Variants in DPP6 observed in about 807,000 individuals in gnomAD.
The protein encoded by DPP6 is A-type potassium channel modulatory protein DPP6.
DPP6 carries 69 observed loss-of-function variants against 122.6 expected under a neutral mutation model. The observed-to-expected ratio is 0.56, with a 90% CI of 0.46 to 0.69. The LOEUF is 0.69. Ranked by LOEUF, DPP6 falls within the 30% of genes least tolerant of loss-of-function variation. The pLI is 0.00. For synonymous variants in DPP6, 418 were observed against 433.1 expected (o/e 0.97, Z 0.43); for missense variants, 928 against 1,116.9 (o/e 0.83, Z 2.41).
intron 1 of DPP6, among the ~76,000 whole-genome samples, chr7:153,935,080 G>C (rs2129014657): frequency 6.6e-6 from 1 of 152,320 alleles, no homozygotes; most frequent in African/African-American, 2.4e-5. Flanking sequence ...CTGACATAAC[G>C]CTGTGCCCAT....
chr7:154,082,846 C>CTTTCTTTTTTTTTTTT (rs1260484862), intron 1 of DPP6, among the ~76,000 whole-genome samples: 6 of 106,272 alleles, frequency 5.6e-5, no homozygotes, highest in African/African-American at 8.0e-5. Flanking sequence ...TTTTCTTTTT[C>CTTTCTTTTTTTTTTTT]TTTTTTTTTT....
At chr7:154,729,191 G>GAACAACCCAAGCTCTTCTCAC (rs1371539982) in intron 8 of DPP6, among the ~76,000 whole-genome samples, 1 of 152,196 alleles carries the variant, frequency 6.6e-6, no homozygotes, top group Non-Finnish European at 1.5e-5. Flanking sequence ...TGGGGCTGAT[G>GAACAACCCAAGCTCTTCTCAC]AACAACCCAA....
At chr7:154,705,996 C>A (rs528494765) in intron 7 of DPP6, among the ~76,000 whole-genome samples, 209 of 152,284 alleles carry the variant, frequency 1.4e-3, no homozygotes, top group Non-Finnish European at 2.6e-3. Context: ...CAGATGTCCC[C>A]CCTCTACTCG....
chr7:154,868,881 C>G (rs1256413208), intron 18 of DPP6, among the ~76,000 whole-genome samples: 6 of 152,260 alleles, frequency 3.9e-5, no homozygotes, highest in African/African-American at 1.4e-4. Flanking sequence ...GACTTCCCCA[C>G]CTCTATGCAT....
At chr7:154,454,777 A>G (rs1554554645) in intron 2 of DPP6, among the ~76,000 whole-genome samples, 1 of 152,198 alleles carries the variant, frequency 6.6e-6, no homozygotes, top group Non-Finnish European at 1.5e-5. Flanking sequence ...TTGGAAGGAA[A>G]GAAAGGGCAT....
At chr7:154,772,305 A>C (rs1796294970) in intron 9 of DPP6, among the ~76,000 whole-genome samples, 1 of 152,156 alleles carries the variant, frequency 6.6e-6, no homozygotes, top group Admixed American at 6.5e-5. Flanking sequence ...GGTGGAAGTG[A>C]GAACATCAGA....
At chr7:153,782,477 A>T in the DPP6 span, among the ~76,000 whole-genome samples, 1 of 152,186 alleles carries the variant, frequency 6.6e-6, no homozygotes, top group Non-Finnish European at 1.5e-5. Flanking sequence ...CTTGAACAAA[A>T]CATGAAGGAA....
At chr7:154,518,763 C>T (rs1255632047) in intron 3 of DPP6, among the ~76,000 whole-genome samples, 4 of 152,208 alleles carry the variant, frequency 2.6e-5, no homozygotes, top group Admixed American at 6.5e-5. Context: ...ACGCTTCATA[C>T]TTAGCAGGAC....
chr7:154,876,194 CCACG>C (rs1804837854), intron 20 of DPP6, 94 bp downstream of exon 20: 1 of 1,395,604 alleles, frequency 7.2e-7, no homozygotes, highest in African/African-American at 1.4e-5. Context: ...TGCTTTTTCT[CCACG>C]CACACATTTT....
chr7:153,952,370 A>G (rs535300844), intron 1 of DPP6, among the ~76,000 whole-genome samples: 37 of 152,354 alleles, frequency 2.4e-4, no homozygotes, highest in Middle Eastern at 3.4e-3. Context: ...AGATTAAGAA[A>G]CTGTTTCAAA....
At chr7:154,208,895 T>C (rs1401735570) in intron 1 of DPP6, among the ~76,000 whole-genome samples, 1 of 152,210 alleles carries the variant, frequency 6.6e-6, no homozygotes, top group Non-Finnish European at 1.5e-5. Context: ...CTTTAAAGAT[T>C]CTTTCCTTGC....
the DPP6 span, among the ~76,000 whole-genome samples, chr7:153,850,491 A>C: frequency 6.6e-6 from 1 of 152,312 alleles, no homozygotes; most frequent in Non-Finnish European, 1.5e-5. Flanking sequence ...AACATCTTCC[A>C]TATTCTATTG....
chr7:153,902,668 C>T (rs1202237916), intron 1 of DPP6, among the ~76,000 whole-genome samples: 1 of 151,948 alleles, frequency 6.6e-6, no homozygotes, highest in Non-Finnish European at 1.5e-5. Flanking sequence ...AACCCTGTCT[C>T]TACTAAAAAT....
intron 1 of DPP6, among the ~76,000 whole-genome samples, chr7:154,018,924 C>T (rs1255265261): frequency 3.3e-5 from 5 of 152,044 alleles, no homozygotes; most frequent in Non-Finnish European, 7.4e-5. Flanking sequence ...TATCTCCTTC[C>T]CCCATATCTT....
intron 5 of DPP6, among the ~76,000 whole-genome samples, chr7:154,633,939 C>T (rs1384328225): frequency 1.3e-5 from 2 of 152,064 alleles, no homozygotes; most frequent in Non-Finnish European, 2.9e-5. Context: ...CCACACTTGG[C>T]AGACCCAGCT....
At chr7:154,576,354 G>A (rs1831671264) in intron 5 of DPP6, among the ~76,000 whole-genome samples, 2 of 152,030 alleles carry the variant, frequency 1.3e-5, no homozygotes, top group African/African-American at 4.8e-5. Context: ...GCCCAACCAC[G>A]ATGACCTTTC....
Position 154,224,549 on chromosome 7 carries a change from G to T in DPP6, c.243+171486G>T, listed in dbSNP as rs1800488323. Among the ~76,000 whole-genome samples the T allele has an allele frequency of 2.7e-5, 4 of 149,050 alleles. 1 individual carries two copies. In the South Asian group the frequency reaches 8.5e-4, roughly 32 times the overall value. ...CAAAGCTTCATCTTTCATAAAACAT[G>T]ACCTTAAATGAAGACTTAACTATAT... On this transcript the variant is annotated intron_variant, in intron 1 of 25. Coordinates refer to ENST00000377770, the MANE Select transcript of DPP6 (RefSeq NM_130797.4).
intron 17 of DPP6, among the ~76,000 whole-genome samples, chr7:154,865,143 C>A (rs545428189): frequency 6.6e-6 from 1 of 152,220 alleles, no homozygotes; most frequent in Non-Finnish European, 1.5e-5. Flanking sequence ...ACCCCCCCAG[C>A]TGAAGCCCTT....
intron 1 of DPP6, among the ~76,000 whole-genome samples, chr7:154,023,812 A>G (rs1798837812): frequency 6.6e-6 from 1 of 152,128 alleles, no homozygotes; most frequent in Admixed American, 6.5e-5. Context: ...AACAGATTGT[A>G]TTACAAAGAC....
Sources: allele counts gnomAD v4.1 joint callset (sites outside exome capture counted in the v4.1 genomes callset), GRCh38; gene constraint gnomAD v4.1.1; transcripts MANE v1.5; gene names NCBI Gene and HGNC (gene_info 2026-07-23, HGNC 2026-07-21).